Variants in PDE5A observed in about 807,000 individuals in gnomAD.
The protein encoded by PDE5A is cGMP-specific 3',5'-cyclic phosphodiesterase.
A neutral mutation model predicts 110.2 loss-of-function variants in PDE5A; 67 were observed. The ratio of observed to expected loss-of-function variants is 0.61; its 90% CI spans 0.50 to 0.75. PDE5A has a LOEUF of 0.75. Ranked by LOEUF, PDE5A falls within the 30% of genes least tolerant of loss-of-function variation. PDE5A has a pLI of 0.00. For synonymous variants in PDE5A, 328 were observed against 351.2 expected, an observed-to-expected ratio of 0.93 and a Z score of 0.74; for missense variants, 862 against 1,045.1, an observed-to-expected ratio of 0.82 and a Z score of 2.42.
intron 3 of PDE5A, among the ~76,000 whole-genome samples, chr4:119,577,150 C>T (rs1321052723): frequency 6.6e-6 from 1 of 152,160 alleles, no homozygotes; most frequent in Non-Finnish European, 1.5e-5. Context: ...GAAGTTGAAT[C>T]TCTGAATAGA....
chr4:119,566,957 A>T (rs1727956383), intron 4 of PDE5A, 116 bp downstream of exon 4: 6 of 734,942 alleles, frequency 8.2e-6, no homozygotes, highest in Admixed American at 2.1e-5. Context: ...ATCATTTTTA[A>T]CTCTAATTTT....
chr4:119,571,897 T>A (rs1728150505), intron 3 of PDE5A, among the ~76,000 whole-genome samples: 1 of 152,228 alleles, frequency 6.6e-6, no homozygotes, highest in African/African-American at 2.4e-5. Flanking sequence ...TGGGGCACTG[T>A]TGTGCATACA....
chr4:119,548,572 C>T (rs917712156), intron 9 of PDE5A: 13 of 152,128 alleles, frequency 8.5e-5, no homozygotes, highest in African/African-American at 1.9e-4. Context: ...TTACAAATGA[C>T]GTATACTTCA....
At chr4:119,609,157 G>C (rs539965322) in intron 1 of PDE5A, among the ~76,000 whole-genome samples, 1 of 149,880 alleles carries the variant, frequency 6.7e-6, no homozygotes, top group Non-Finnish European at 1.5e-5. Flanking sequence ...TCGAGACTCC[G>C]TCTCAAAAAA....
chr4:119,522,833 C>G (rs1165287842), intron 12 of PDE5A, among the ~76,000 whole-genome samples: 1 of 151,810 alleles, frequency 6.6e-6, no homozygotes, highest in Non-Finnish European at 1.5e-5. Flanking sequence ...GTATTTTGTA[C>G]AGGACTACTG....
chr4:119,567,329 C>T (rs1341385490), intron 3 of PDE5A, among the ~76,000 whole-genome samples, 185 bp from the exon 4 acceptor site: 4 of 152,138 alleles, frequency 2.6e-5, no homozygotes, highest in Non-Finnish European at 5.9e-5. Context: ...TTCTTTCATC[C>T]TAATAAGAAT....
intron 17 of PDE5A, among the ~76,000 whole-genome samples, chr4:119,505,043 A>G (rs1725507585): frequency 1.3e-5 from 2 of 152,054 alleles, no homozygotes; most frequent in South Asian, 2.1e-4. Context: ...AATTCACTCA[A>G]CACACATGGT....
chr4:119,591,362 T>G (rs1310021426), intron 3 of PDE5A, among the ~76,000 whole-genome samples: 1 of 152,332 alleles, frequency 6.6e-6, no homozygotes, highest in Middle Eastern at 3.4e-3. Flanking sequence ...GTAGATCCTT[T>G]TATTGCCCTC....
At chr4:119,585,455 A>G (rs1026533476) in intron 3 of PDE5A, among the ~76,000 whole-genome samples, 3 of 152,148 alleles carry the variant, frequency 2.0e-5, no homozygotes, top group African/African-American at 7.2e-5. Flanking sequence ...CCCAGTCTAT[A>G]TCGCTTCTCC....
Position 119,525,454 on chromosome 4 carries a change from C to A in PDE5A, c.1779+95G>T. On this transcript the variant is annotated intron_variant, in intron 12 of 20. Coordinates refer to ENST00000354960, the MANE Select transcript of PDE5A (RefSeq NM_001083.4). This position sits in a 1 kb window ranked among gnomAD's most constrained non-coding sequence, Gnocchi z 4.3. ...ATATTAATCACTAAAATGTAAAAAT[C>A]CCTATTCCATATTTGCATTCAAAAC... The A allele has an allele frequency of 8.6e-7, 1 of 1,167,152 alleles. No homozygotes were observed. The highest frequency in any genetic ancestry group is 2.3e-5 in the Admixed American group (1 of 42,966). The allele number at this position is 1,167,152 out of a possible 1,614,324, so 72.3% of individuals were successfully genotyped here. A position where few individuals can be genotyped will look rare whatever the true frequency, so the allele number is the denominator to read the frequency against.
At chr4:119,613,076 A>G (rs1338300022) in intron 1 of PDE5A, among the ~76,000 whole-genome samples, 1 of 152,224 alleles carries the variant, frequency 6.6e-6, no homozygotes, top group Non-Finnish European at 1.5e-5. Context: ...AAGCCTTCAA[A>G]TATTAATTCA....
At chr4:119,506,811 A>T (rs1337374978) in intron 16 of PDE5A, among the ~76,000 whole-genome samples, 1 of 151,882 alleles carries the variant, frequency 6.6e-6, no homozygotes, top group East Asian at 1.9e-4. Context: ...TTACTTCTAG[A>T]TGTATAACAG....
Position 119,567,115 on chromosome 4 carries a change from C to T in PDE5A, c.861G>A (p.Lys287=), listed in dbSNP as rs1727967644. 6.2e-7 allele frequency: 1 copy of T among 1,613,394 alleles called. No individual in the cohort carries two copies. The change falls in exon 4 of 21, where the codon AAG becomes AAA. Residue 287 remains lysine (K), a synonymous_variant. Transcript: ENST00000354960. ...EVVGVAQAIN[K]KSGNGGTFTE... ...TAAATGTCCCACCGTTTCCTGATTT[C>T]TTGTTGATGGCCTGGGCTACACCAA...
In PDE5A at chr4:119,594,132, G is replaced by GTT. The variant is rs75416431; in HGVS notation, c.831+2389_831+2390dup. Among the ~76,000 whole-genome samples, 10 of 151,994 alleles carry GTT rather than the reference G, an allele frequency of 6.6e-5. No homozygotes were observed. The South Asian group carries it at 1.7e-3, about 25-fold the overall frequency. ...GCGAATTATATCTCAATATAGCTGT[G>GTT]TTTTTTTAATTTTTTATTTAATTTA... is the stretch of plus-strand genomic sequence containing the variant. On this transcript the variant is annotated intron_variant, in intron 3 of 20. Transcript: ENST00000354960.
intron 1 of PDE5A, among the ~76,000 whole-genome samples, chr4:119,618,398 C>T (rs779533425): frequency 5.3e-5 from 8 of 151,554 alleles, no homozygotes; most frequent in Non-Finnish European, 1.0e-4. Flanking sequence ...AATTTAAAAA[C>T]AATAACTTCT....
intron 9 of PDE5A, among the ~76,000 whole-genome samples, chr4:119,548,044 ATTTTT>A (rs11438089): frequency 7.4e-5 from 7 of 94,784 alleles, no homozygotes; most frequent in East Asian, 3.1e-4. Flanking sequence ...TTCTCCGTGT[ATTTTT>A]TTTTTTTTTT....
chr4:119,538,457 C>T (rs1726806450), intron 11 of PDE5A, among the ~76,000 whole-genome samples: 1 of 152,166 alleles, frequency 6.6e-6, no homozygotes, highest in South Asian at 2.1e-4. Context: ...CAACATACAT[C>T]TACTTACATA....
intron 3 of PDE5A, among the ~76,000 whole-genome samples, chr4:119,595,956 A>G (rs1398786022): frequency 1.3e-5 from 2 of 152,228 alleles, no homozygotes; most frequent in African/African-American, 4.8e-5. Context: ...CTGATAATTT[A>G]TTAACTCTTT....
At chr4:119,547,919 G>A (rs545562193) in intron 9 of PDE5A, among the ~76,000 whole-genome samples, 1 of 151,704 alleles carries the variant, frequency 6.6e-6, no homozygotes, top group Non-Finnish European at 1.5e-5. Context: ...TGAAAGTAAA[G>A]CTATATATGT....
Sources: allele counts gnomAD v4.1 joint callset (sites outside exome capture counted in the v4.1 genomes callset), GRCh38; gene constraint gnomAD v4.1.1; non-coding constraint Gnocchi (gnomAD v3.1); transcripts MANE v1.5; gene names NCBI Gene and HGNC (gene_info 2026-07-23, HGNC 2026-07-21).